Variants in ADAMTS2 observed in about 807,000 individuals in gnomAD.
ADAMTS2 encodes the protein A disintegrin and metalloproteinase with thrombospondin motifs 2.
Under a neutral mutation model 123.0 loss-of-function variants are expected in ADAMTS2, and 50 were observed. That is an observed-to-expected ratio of 0.41 (90% confidence interval 0.32 to 0.51). ADAMTS2 has a LOEUF of 0.51. ADAMTS2 is among the 20% of genes least tolerant of loss of function. The pLI is 0.35. For missense variants in ADAMTS2, 1,494 were observed against 1,705.2 expected (o/e 0.88, Z 2.18); for synonymous variants, 678 against 695.4 (o/e 0.98, Z 0.39).
chr5:179,304,648 C>A (rs1284274520), intron 2 of ADAMTS2, among the ~76,000 whole-genome samples: 1 of 152,106 alleles, frequency 6.6e-6, no homozygotes, highest in Non-Finnish European at 1.5e-5. Context: ...ATAGAAGTTA[C>A]CCAATTCAAA....
chr5:179,121,805 C>A, intron 20 of ADAMTS2, 55 bp from the exon 21 acceptor site: 1 of 1,286,862 alleles, frequency 7.8e-7, no homozygotes, highest in Non-Finnish European at 1.1e-6. Context: ...GGGCCCCCAC[C>A]CCAGGCAGAG....
chr5:179,168,033 A>G lies in ADAMTS2; in HGVS notation c.976-9154T>C, dbSNP rs561986157. On this transcript the variant is annotated intron_variant, in intron 5 of 21. Transcript: ENST00000251582. ...CCCTCCTGCCTCAGACCAGCCTCCT[A>G]AACAGGTGCAGGATAGGACAGCAGG... is the stretch of plus-strand genomic sequence containing the variant. Among the ~76,000 whole-genome samples the G allele has an allele frequency of 2.0e-5, 3 of 152,290 alleles. No homozygotes were observed. The East Asian group carries it at 5.8e-4, about 29-fold the overall frequency.
At chr5:179,149,327 C>A (rs1763308557) in intron 10 of ADAMTS2, among the ~76,000 whole-genome samples, 2 of 152,208 alleles carry the variant, frequency 1.3e-5, no homozygotes, top group Non-Finnish European at 1.5e-5. Context: ...CAGAAGCCAA[C>A]CTTGCTGGCA....
At chr5:179,116,297 C>G (rs1337522912) in intron 21 of ADAMTS2, among the ~76,000 whole-genome samples, 1 of 140,238 alleles carries the variant, frequency 7.1e-6, no homozygotes, top group East Asian at 2.3e-4. Context: ...AGTCCCTGAC[C>G]TGTCCCTTTC....
At position 179,345,280 on chromosome 5, in the gene ADAMTS2, GC is replaced by G; in HGVS notation, c.48del (p.Leu17CysfsTer148). Reference sequence around the variant, plus strand: ...GGCGGCAGCAGCAGCAGCAGCAGCAGCAGCGCGGGGCAGAGCAGGCGGCGAG... The same window carrying G: ...GGCGGCAGCAGCAGCAGCAGCAGCAGAGCGCGGGGCAGAGCAGGCGGCGAG... ...GAARRLLCPA[L>X]LLLLLLLPPP... On this transcript the variant is annotated frameshift_variant, in exon 1 of 22. Transcript: ENST00000251582. LOFTEE classifies it high-confidence loss of function. The surrounding 1 kb of genome is among the most constrained non-coding windows in gnomAD (Gnocchi z 7.5). The G allele has an allele frequency of 8.7e-7, 1 of 1,155,008 alleles. No individual in the cohort carries two copies. 71.5% of individuals were successfully genotyped at this position (1,155,008 alleles called of 1,614,324 possible).
rs147545684 is a variant in ADAMTS2 at position 179,306,365 on chromosome 5, AT to A, written c.535-33302del. Among the ~76,000 whole-genome samples the A allele has an allele frequency of 5.8e-4, 89 of 152,344 alleles. No homozygotes were observed. The East Asian group carries it at 0.016, about 27-fold the overall frequency. On this transcript the variant is annotated intron_variant, in intron 2 of 21. Transcript: ENST00000251582. ...TTAACAGACTGAAGAAGGAAAAAAAATATGCTTATATCAAGTGATAGAGAAA... is the reference window on the plus strand; with the variant it reads ...TTAACAGACTGAAGAAGGAAAAAAAAATGCTTATATCAAGTGATAGAGAAA...
chr5:179,326,495 C>CA (rs1239082771), intron 2 of ADAMTS2, among the ~76,000 whole-genome samples: 1 of 149,270 alleles, frequency 6.7e-6, no homozygotes, highest in Admixed American at 6.7e-5. Context: ...GCCCCGCCCC[C>CA]CACTCCCATG....
intron 2 of ADAMTS2, among the ~76,000 whole-genome samples, chr5:179,282,379 C>A (rs984682141): frequency 3.9e-5 from 6 of 152,214 alleles, no homozygotes; most frequent in African/African-American, 1.4e-4. Flanking sequence ...TGTGCCAACA[C>A]CATTTGTTGA....
chr5:179,141,870 G>A lies in ADAMTS2; in HGVS notation c.1630-1835C>T, dbSNP rs73806913. Among the ~76,000 whole-genome samples, 1,096 of 152,262 alleles carry A rather than the reference G, an allele frequency of 7.2e-3. 14 individuals carry two copies. The highest frequency in any genetic ancestry group is 0.025 in the African/African-American group (1,038 of 41,548). ...TCATAGGGCACAAGCTCTGCTCCAG[G>A]TACACCAGGCCAAGAATGGTGGACC... On this transcript the variant is annotated intron_variant, in intron 10 of 21. Coordinates refer to ENST00000251582, the MANE Select transcript of ADAMTS2 (RefSeq NM_014244.5).
At chr5:179,229,373 A>AGGTCAGTGGCATCCAG (rs1765357799) in intron 3 of ADAMTS2, among the ~76,000 whole-genome samples, 1 of 42,240 alleles carries the variant, frequency 2.4e-5, no homozygotes, top group African/African-American at 1.2e-4. Context: ...AGGTAATTCC[A>AGGTCAGTGGCATCCAG]CAAACACGAG....
In ADAMTS2 at chr5:179,129,859, G is replaced by C. The variant is rs778890516; in HGVS notation, c.2457+73C>G. The C allele has an allele frequency of 3.1e-5, 49 of 1,593,006 alleles. No individual in the cohort carries two copies. The highest frequency in any genetic ancestry group is 3.9e-5 in the Non-Finnish European group (46 of 1,168,142). ...CACCTGAAGGGTCAGGAGGCTCAGC[G>C]TCCCAGGCACCCCCATCCCTCCCCC... is the stretch of plus-strand genomic sequence containing the variant. On this transcript the variant is annotated intron_variant, in intron 16 of 21. Coordinates refer to ENST00000251582, the MANE Select transcript of ADAMTS2 (RefSeq NM_014244.5). This position sits in a 1 kb window ranked among gnomAD's most constrained non-coding sequence, Gnocchi z 4.1.
intron 21 of ADAMTS2, 42 bp from the exon 22 acceptor site, chr5:179,114,366 AGGGGGACTTTGTTCCCCCACAG>A: frequency 6.3e-7 from 1 of 1,581,626 alleles, no homozygotes; most frequent in Non-Finnish European, 8.6e-7. Context: ...GGACAAGATA[AGGGGGACTTTGTTCCCCCACAG>A]GGTGCAGCTT....
chr5:179,337,566 C>T (rs1453101497), intron 2 of ADAMTS2, among the ~76,000 whole-genome samples: 1 of 152,232 alleles, frequency 6.6e-6, no homozygotes. Flanking sequence ...CCGGCAGCAA[C>T]ACAGGGACCC....
intron 2 of ADAMTS2, among the ~76,000 whole-genome samples, chr5:179,331,632 C>A (rs1444894462): frequency 6.6e-6 from 1 of 150,388 alleles, no homozygotes; most frequent in East Asian, 2.0e-4. Context: ...GAGGGGCTCC[C>A]AGCACCAGGA....
In ADAMTS2 at chr5:179,118,254, T is replaced by C. The variant is rs766640746; in HGVS notation, c.3178+3407A>G. Among the ~76,000 whole-genome samples, 1 of 152,244 alleles carries C rather than the reference T, an allele frequency of 6.6e-6. No homozygotes were observed. Among genetic ancestry groups the C allele is most frequent in the Non-Finnish European group, 1.5e-5 (1 of 68,042 alleles). On this transcript the variant is annotated intron_variant, in intron 21 of 21. Coordinates refer to ENST00000251582, the MANE Select transcript of ADAMTS2 (RefSeq NM_014244.5). This position sits in a 1 kb window ranked among gnomAD's most constrained non-coding sequence, Gnocchi z 4.5. ...GCCTAGAAAAATTTCAAAGTCATCA[T>C]GACCAACTGATCTTAAAGATGCCCC...
rs1392381888 is a variant in ADAMTS2, at chr5:179,262,030, G to A, written c.688+10881C>T. Among the ~76,000 whole-genome samples the A allele has an allele frequency of 6.6e-6, 1 of 152,214 alleles. No homozygotes were observed. The highest frequency in any genetic ancestry group is 2.4e-5 in the African/African-American group (1 of 41,450). ...GCTCCTGCCCCCGCCCCGTGAGTCT[G>A]GGAACACATGGGTCTTGGCCTTGGC... On this transcript the variant is annotated intron_variant, in intron 3 of 21. Transcript: ENST00000251582. This position sits in a 1 kb window ranked among gnomAD's most constrained non-coding sequence, Gnocchi z 5.9.
In ADAMTS2 at chr5:179,300,757, A is replaced by C. The variant is rs145990852; in HGVS notation, c.535-27693T>G. ...ACACTCAAAAGTGCACTTTAAGGCC[A>C]AGCTCCGAATAAACACGATGATATT... is the stretch of plus-strand genomic sequence containing the variant. On this transcript the variant is annotated intron_variant, in intron 2 of 21. Coordinates refer to ENST00000251582, the MANE Select transcript of ADAMTS2 (RefSeq NM_014244.5). Among the ~76,000 whole-genome samples, 242 of 152,352 alleles carry C rather than the reference A, an allele frequency of 1.6e-3. 1 individual carries two copies. Among genetic ancestry groups the C allele is most frequent in the African/African-American group, 5.5e-3 (229 of 41,576 alleles).
rs1763606558 is a variant in ADAMTS2 at position 179,162,324 on chromosome 5, C to A, written c.976-3445G>T. On this transcript the variant is annotated intron_variant, in intron 5 of 21. Transcript: ENST00000251582. This position sits in a 1 kb window ranked among gnomAD's most constrained non-coding sequence, Gnocchi z 5.1. ...ACCATGAAGGATCAGGGTGAACATA[C>A]AACCAAAGCGGGCCAAGGAGTAGGC... Among the ~76,000 whole-genome samples, 3 of 152,186 alleles carry A rather than the reference C, an allele frequency of 2.0e-5. No homozygotes were observed. In the South Asian group the frequency reaches 6.2e-4, roughly 31 times the overall value.
In ADAMTS2 at chr5:179,129,835, A is replaced by T; in HGVS notation, c.2457+97T>A. ...GGCCAAAGGGGCCACGCAGAGTGTCACCTGAAGGGTCAGGAGGCTCAGCGT... is the reference window on the plus strand; with the variant it reads ...GGCCAAAGGGGCCACGCAGAGTGTCTCCTGAAGGGTCAGGAGGCTCAGCGT... On this transcript the variant is annotated intron_variant, in intron 16 of 21. Coordinates refer to ENST00000251582, the MANE Select transcript of ADAMTS2 (RefSeq NM_014244.5). The surrounding 1 kb of genome is among the most constrained non-coding windows in gnomAD (Gnocchi z 4.1). 6.6e-7 allele frequency: 1 copy of T among 1,522,318 alleles called. No homozygotes were observed. The highest frequency in any genetic ancestry group is 9.0e-7 in the Non-Finnish European group (1 of 1,114,310). 94.3% of individuals were successfully genotyped at this position (1,522,318 alleles called of 1,614,324 possible).
Sources: gnomAD v4.1 joint callset for allele counts (sites outside exome capture counted in the v4.1 genomes callset) on GRCh38, gnomAD v4.1.1 for gene constraint, Gnocchi (gnomAD v3.1) non-coding constraint, MANE v1.5 for transcripts, NCBI Gene and HGNC (gene_info 2026-07-23, HGNC 2026-07-21) for gene names.